Variants in HEATR3 observed in about 807,000 individuals in gnomAD.
HEATR3 encodes the protein HEAT repeat-containing protein 3.
HEATR3 carries 56 observed loss-of-function variants against 72.8 expected under a neutral mutation model. The observed-to-expected ratio is 0.77, with a 90% CI of 0.62 to 0.96. HEATR3 has a LOEUF of 0.96. Among genes scored for constraint, HEATR3 ranks in the 40% least tolerant of loss-of-function variants. HEATR3 has a pLI of 0.00. For missense variants in HEATR3, 747 were observed against 831.4 expected (o/e 0.90, Z 1.25); for synonymous variants, 331 against 318.1 (o/e 1.04, Z -0.43).
chr16:50,094,189 G>C (rs1218614854), intron 11 of HEATR3, among the ~76,000 whole-genome samples: 5 of 152,202 alleles, frequency 3.3e-5, no homozygotes, highest in Non-Finnish European at 5.9e-5. Context: ...AATAAGAAAA[G>C]TGTGCGAATA....
intron 10 of HEATR3, among the ~76,000 whole-genome samples, 200 bp from the exon 11 acceptor site, chr16:50,086,015 A>G (rs1395812652): frequency 6.6e-6 from 1 of 152,106 alleles, no homozygotes; most frequent in Non-Finnish European, 1.5e-5. Flanking sequence ...GCAACAGAGT[A>G]AGACCCTGTC....
chr16:50,068,089 G>A (rs923554458), intron 2 of HEATR3, among the ~76,000 whole-genome samples: 6 of 152,162 alleles, frequency 3.9e-5, no homozygotes, highest in Non-Finnish European at 7.3e-5. Flanking sequence ...GGAGGAAACA[G>A]CATGTGGAAA....
intron 11 of HEATR3, among the ~76,000 whole-genome samples, chr16:50,090,004 G>A (rs1429012714): frequency 1.3e-5 from 2 of 152,066 alleles, no homozygotes; most frequent in Non-Finnish European, 2.9e-5. Context: ...AAGCATTTGG[G>A]ATTTATTAAT....
At chr16:50,067,105 T>C (rs1286650278) in intron 2 of HEATR3, among the ~76,000 whole-genome samples, 4 of 152,034 alleles carry the variant, frequency 2.6e-5, no homozygotes, top group African/African-American at 9.7e-5. Flanking sequence ...TGTAATCCCA[T>C]TGCTTTGGGA....
At chr16:50,072,897 A>G (rs1177575064) in intron 5 of HEATR3, 183 bp downstream of exon 5, 1 of 526,496 alleles carries the variant, frequency 1.9e-6, no homozygotes, top group African/African-American at 1.9e-5. Context: ...TTACCTACTC[A>G]TTCAGTTTTT....
At chr16:50,104,215 G>A (rs1193496944) in intron 14 of HEATR3, among the ~76,000 whole-genome samples, 1 of 152,024 alleles carries the variant, frequency 6.6e-6, no homozygotes. Flanking sequence ...ACTCCAGCAT[G>A]GTAGTGCGCT....
intron 4 of HEATR3, among the ~76,000 whole-genome samples, chr16:50,070,594 C>T (rs537300550): frequency 3.3e-5 from 5 of 151,996 alleles, no homozygotes; most frequent in South Asian, 2.1e-4. Flanking sequence ...CCCAGCTACT[C>T]GGGAGGCTGA....
At chr16:50,097,940 A>C (rs1158808577) in intron 12 of HEATR3, among the ~76,000 whole-genome samples, 2 of 151,610 alleles carry the variant, frequency 1.3e-5, no homozygotes, top group African/African-American at 2.4e-5. Context: ...AAAAAAAAAA[A>C]ACCCTGGAAT....
chr16:50,101,593 A>G (rs1432187255), intron 13 of HEATR3, among the ~76,000 whole-genome samples: 1 of 152,094 alleles, frequency 6.6e-6, no homozygotes, highest in East Asian at 1.9e-4. Flanking sequence ...CCACGTGGTT[A>G]TTCTCACCTC....
At position 50,104,830 on chromosome 16, in the gene HEATR3, A is replaced by G. The variant is rs563452030; in HGVS notation, c.1921-109A>G. 11 of 982,430 alleles carry G rather than the reference A, an allele frequency of 1.1e-5. No individual in the cohort carries two copies. In the African/African-American group the frequency reaches 1.5e-4, roughly 14 times the overall value. 60.9% of individuals were successfully genotyped at this position (982,430 alleles called of 1,614,324 possible). On this transcript the variant is annotated intron_variant, in intron 14 of 14. Transcript: ENST00000299192. ...AAAAACATTTTTTCCAAATTCTTAC[A>G]GCTATCTGCTTCAGCAAATGGTTAA...
In HEATR3 at chr16:50,075,630, A is replaced by G; in HGVS notation, c.682A>G (p.Thr228Ala). Residue 228 changes from threonine (T) to alanine (A), a missense_variant, in exon 6 of 15, where the codon ACA (threonine) becomes GCA (alanine). Around this residue, in one of 2 missense-constraint regions of HEATR3, gnomAD observed 586 missense variants for 708.8 expected, o/e 0.83. Coordinates refer to ENST00000299192, the MANE Select transcript of HEATR3 (RefSeq NM_182922.4). ...NPELLKSFSATALNMLESALL... is the reference protein window; with the variant it reads ...NPELLKSFSAAALNMLESALL... The stretch of plus-strand genomic sequence containing the variant: ...AGAGCTGCTGAAGTCTTTCAGTGCT[A>G]CAGCATTGAACATGCTGGAATCAGC... The G allele has an allele frequency of 1.2e-6, 2 of 1,610,782 alleles. No homozygotes were observed. The highest frequency in any genetic ancestry group is 1.3e-5 in the African/African-American group (1 of 75,010).
chr16:50,102,375 C>A lies in HEATR3; in HGVS notation c.1860C>A (p.Ala620=). The A allele has an allele frequency of 6.2e-7, 1 of 1,614,100 alleles. No homozygotes were observed. The highest frequency in any genetic ancestry group is 1.1e-5 in the South Asian group (1 of 91,084). The change falls in exon 14 of 15, where the codon GCC becomes GCA. Residue 620 remains alanine (A), a synonymous_variant. Coordinates refer to ENST00000299192, the MANE Select transcript of HEATR3 (RefSeq NM_182922.4). The stretch of plus-strand genomic sequence containing the variant: ...CAGATGGTAAAGAAGCCGAAAGAGC[C>A]TCGATTCAAATTAAATTATTATCTG... ...VFADGKEAER[A]SIQIKLLSAL...
Position 50,105,127 on chromosome 16 carries a change from C to A in HEATR3, c.*66C>A, listed in dbSNP as rs567872498. 33 of 1,495,978 alleles carry A rather than the reference C, an allele frequency of 2.2e-5. No individual in the cohort carries two copies. In the South Asian group the frequency reaches 3.4e-4, roughly 15 times the overall value. The allele number at this position is 1,495,978 out of a possible 1,614,324, so 92.7% of individuals were successfully genotyped here. A position where few individuals can be genotyped will look rare whatever the true frequency, so the allele number is the denominator to read the frequency against. On this transcript the variant is annotated 3_prime_UTR_variant, in exon 15 of 15. Coordinates refer to ENST00000299192, the MANE Select transcript of HEATR3 (RefSeq NM_182922.4). ...AATGCTTAGAATACTAAAAGGTTTT[C>A]TTTGAATGTATATGTTTCTGAAAGT...
chr16:50,066,585 C>G, intron 2 of HEATR3, 46 bp downstream of exon 2: 1 of 1,260,556 alleles, frequency 7.9e-7, no homozygotes, highest in African/African-American at 1.6e-5. Flanking sequence ...TGGCCTCCCC[C>G]GCGTCTGGGC....
intron 12 of HEATR3, among the ~76,000 whole-genome samples, chr16:50,098,805 T>C (rs921604451): frequency 1.3e-5 from 2 of 152,080 alleles, no homozygotes; most frequent in East Asian, 1.9e-4. Flanking sequence ...TGCTATACAG[T>C]GATATTAAAA....
chr16:50,080,861 C>T (rs958595568), intron 7 of HEATR3, among the ~76,000 whole-genome samples: 3 of 152,150 alleles, frequency 2.0e-5, no homozygotes, highest in Non-Finnish European at 4.4e-5. Context: ...ACTCAGGTTT[C>T]TGTTGATCCT....
At chr16:50,094,865 A>C (rs1459785581) in intron 12 of HEATR3, 72 bp downstream of exon 12, 3 of 775,066 alleles carry the variant, frequency 3.9e-6, no homozygotes, top group Non-Finnish European at 6.4e-6. Context: ...TCATTACTTC[A>C]CTATTTTAAA....
chr16:50,088,645 T>A (rs2037040885), intron 11 of HEATR3, among the ~76,000 whole-genome samples: 1 of 152,124 alleles, frequency 6.6e-6, no homozygotes, highest in Non-Finnish European at 1.5e-5. Context: ...GGAGGGGACT[T>A]TCCCCAACTT....
At chr16:50,068,650 G>T (rs878908880) in intron 2 of HEATR3, 130 bp from the exon 3 acceptor site, 1 of 701,102 alleles carries the variant, frequency 1.4e-6, no homozygotes, top group African/African-American at 1.8e-5. Flanking sequence ...GTTCTGCAGC[G>T]TATGACAGAA....
Sources: allele counts gnomAD v4.1 joint callset (sites outside exome capture counted in the v4.1 genomes callset), GRCh38; gene constraint gnomAD v4.1.1; regional missense constraint gnomAD v4.1.1; transcripts MANE v1.5; gene names NCBI Gene and HGNC (gene_info 2026-07-23, HGNC 2026-07-21).